The following PIK3CA variants were observed in gnomAD, a reference collection of about 807,000 sequenced individuals.
The protein encoded by PIK3CA is phosphatidylinositol 4,5-bisphosphate 3-kinase catalytic subunit alpha isoform.
Under a neutral mutation model 138.2 loss-of-function variants are expected in PIK3CA, and 27 were observed. That is an observed-to-expected ratio of 0.20 (90% CI 0.14 to 0.27). The LOEUF is 0.27. Among genes scored for constraint, PIK3CA ranks in the 10% least tolerant of loss-of-function variants. The pLI, the probability that PIK3CA is intolerant of heterozygous loss-of-function variation, is 1.00. For missense variants in PIK3CA, 544 were observed against 1,277.4 expected, an observed-to-expected ratio of 0.43 and a Z score of 8.75; for synonymous variants, 358 against 413.2, an observed-to-expected ratio of 0.87 and a Z score of 1.62.
intron 1 of PIK3CA, among the ~76,000 whole-genome samples, chr3:179,167,811 G>A (rs1333882015): frequency 1.3e-5 from 2 of 152,018 alleles, no homozygotes; most frequent in Non-Finnish European, 2.9e-5. Flanking sequence ...TCAAAATTGT[G>A]CTCTTTTGCT....
In PIK3CA at chr3:179,236,746, T is replaced by G. The variant is rs1725340248; in HGVS notation, c.*2382T>G. 1 of 220,856 alleles carries G rather than the reference T, an allele frequency of 4.5e-6. No individual in the cohort carries two copies. Among genetic ancestry groups the G allele is most frequent in the African/African-American group, 2.2e-5 (1 of 44,634 alleles). The allele number at this position is 220,856 out of a possible 1,614,324, so 13.7% of individuals were successfully genotyped here. On this transcript the variant is annotated 3_prime_UTR_variant, in exon 21 of 21. Coordinates refer to ENST00000263967, the MANE Select transcript of PIK3CA (RefSeq NM_006218.4). Reference sequence around the variant, plus strand: ...GTTACTACAACCAAATTAATTCTATTAGAAGAAATGTAGACAAATTCTATA... The same window carrying G: ...GTTACTACAACCAAATTAATTCTATGAGAAGAAATGTAGACAAATTCTATA...
intron 9 of PIK3CA, among the ~76,000 whole-genome samples, chr3:179,214,414 A>C (rs533770648): frequency 6.6e-6 from 1 of 152,262 alleles, no homozygotes; most frequent in South Asian, 2.1e-4. Context: ...GAGGAGGAAG[A>C]AAGAGGAGCA....
At chr3:179,175,191 C>G (rs1038612829) in intron 1 of PIK3CA, among the ~76,000 whole-genome samples, 3 of 152,152 alleles carry the variant, frequency 2.0e-5, no homozygotes, top group Admixed American at 6.6e-5. Context: ...AGAGAGATAA[C>G]TGGGAGGTAA....
chr3:179,173,288 G>A (rs1723606538), intron 1 of PIK3CA, among the ~76,000 whole-genome samples: 1 of 151,406 alleles, frequency 6.6e-6, no homozygotes, highest in South Asian at 2.1e-4. Context: ...GCCGGGCGCG[G>A]TAGCTCACGC....
rs557000684 is a variant in PIK3CA, at chr3:179,226,563, T to C, written c.2495+523T>C. ...ATTGTTGCTTCTAAAATGTTCTTCC[T>C]TACCTGACTTGTCTTTTTGCAAATC... is the stretch of plus-strand genomic sequence containing the variant. On this transcript the variant is annotated intron_variant, in intron 17 of 20. Transcript: ENST00000263967. 6.6e-5 allele frequency among the ~76,000 whole-genome samples: 10 copies of C among 152,254 alleles called. No individual in the cohort carries two copies. In the East Asian group the frequency reaches 1.9e-3, roughly 29 times the overall value.
chr3:179,165,249 C>T (rs1405565028), intron 1 of PIK3CA, among the ~76,000 whole-genome samples: 1 of 152,118 alleles, frequency 6.6e-6, no homozygotes, highest in Non-Finnish European at 1.5e-5. Context: ...CTGCTTAAAG[C>T]TTAGTAATTC....
intron 1 of PIK3CA, among the ~76,000 whole-genome samples, chr3:179,179,344 T>A (rs1723783006): frequency 6.6e-6 from 1 of 152,208 alleles, no homozygotes; most frequent in Non-Finnish European, 1.5e-5. Context: ...AATCCCAACC[T>A]GTTGCACTCT....
At chr3:179,222,751 T>C (rs559200523) in intron 14 of PIK3CA, among the ~76,000 whole-genome samples, 28 of 152,308 alleles carry the variant, frequency 1.8e-4, no homozygotes, top group Non-Finnish European at 3.7e-4. Context: ...CAGGAAGAGA[T>C]AAAAGTTTAA....
Position 179,230,248 on chromosome 3 carries a change from CTT to C in PIK3CA, c.2812_2813del (p.Leu938GlyfsTer10). ...GQLFHIDFGHFLDHKKKKFGY... is the reference protein window; with the variant it reads ...GQLFHIDFGHXLDHKKKKFGY... ...AGCTGTTTCATATAGATTTTGGACACTTTTTGGATCACAAGAAGAAAAAATTT... is the reference window on the plus strand; with the variant it reads ...AGCTGTTTCATATAGATTTTGGACACTTTGGATCACAAGAAGAAAAAATTT... On this transcript the variant is annotated frameshift_variant, in exon 20 of 21. Coordinates refer to ENST00000263967, the MANE Select transcript of PIK3CA (RefSeq NM_006218.4). LOFTEE classifies it high-confidence loss of function. The surrounding 1 kb of genome is among the most constrained non-coding windows in gnomAD (Gnocchi z 5.4). 2.5e-6 allele frequency: 4 copies of C among 1,607,968 alleles called. No individual in the cohort carries two copies. Among genetic ancestry groups the C allele is most frequent in the Non-Finnish European group, 3.4e-6 (4 of 1,176,974 alleles).
At chr3:179,155,918 T>C (rs945991474) in intron 1 of PIK3CA, among the ~76,000 whole-genome samples, 3 of 152,226 alleles carry the variant, frequency 2.0e-5, no homozygotes, top group Non-Finnish European at 4.4e-5. Context: ...TTTCCATTCA[T>C]CTATTAACTA....
intron 1 of PIK3CA, among the ~76,000 whole-genome samples, chr3:179,185,394 A>G (rs1723950995): frequency 6.6e-6 from 1 of 152,218 alleles, no homozygotes; most frequent in South Asian, 2.1e-4. Flanking sequence ...ACAATAATCA[A>G]CACAGAAGAC....
chr3:179,155,448 T>G (rs1369348229), intron 1 of PIK3CA, among the ~76,000 whole-genome samples: 3 of 152,176 alleles, frequency 2.0e-5, no homozygotes, highest in Non-Finnish European at 4.4e-5. Flanking sequence ...ATTCGTGGGT[T>G]TTGCCTCCAT....
chr3:179,176,856 A>G lies in PIK3CA; in HGVS notation c.-76-21894A>G, dbSNP rs181447662. 2.6e-5 allele frequency among the ~76,000 whole-genome samples: 4 copies of G among 152,330 alleles called. No individual in the cohort carries two copies. In the East Asian group the frequency reaches 7.7e-4, roughly 29 times the overall value. ...TCCCAGTAGTGGGGTTGCCTAATCT[A>G]AGAATAAGTGTATTTAAAATTTGAA... On this transcript the variant is annotated intron_variant, in intron 1 of 20. Transcript: ENST00000263967.
chr3:179,187,672 C>G (rs1724024927), intron 1 of PIK3CA, among the ~76,000 whole-genome samples: 1 of 151,228 alleles, frequency 6.6e-6, no homozygotes, highest in Non-Finnish European at 1.5e-5. Flanking sequence ...GAGTCTTGCT[C>G]TGTCGCCCAG....
chr3:179,159,963 A>C (rs150530651), intron 1 of PIK3CA, among the ~76,000 whole-genome samples: 11 of 152,310 alleles, frequency 7.2e-5, no homozygotes, highest in Non-Finnish European at 1.3e-4. Context: ...AAAAAATTTT[A>C]AAAATGGTAT....
At chr3:179,171,018 G>A (rs2108362330) in intron 1 of PIK3CA, among the ~76,000 whole-genome samples, 1 of 152,224 alleles carries the variant, frequency 6.6e-6, no homozygotes, top group Admixed American at 6.5e-5. Flanking sequence ...GGTAACATTA[G>A]CCAGGGTGAA....
Position 179,225,127 on chromosome 3 carries a change from GT to G in PIK3CA, c.2416+316del, listed in dbSNP as rs552876281. The stretch of plus-strand genomic sequence containing the variant: ...AGAAGTATTTTTTGTTGTTGTTTTG[GT>G]TTTTTTTTTAATCAGTTTCTAATTA... On this transcript the variant is annotated intron_variant, in intron 16 of 20. Transcript: ENST00000263967. Among the ~76,000 whole-genome samples the G allele has an allele frequency of 5.2e-4, 76 of 147,218 alleles. 1 individual carries two copies. In the South Asian group the frequency reaches 0.013, roughly 26 times the overall value.
intron 1 of PIK3CA, chr3:179,149,737 C>T (rs1722961342): frequency 6.6e-6 from 1 of 152,136 alleles, no homozygotes; most frequent in Admixed American, 6.5e-5. Context: ...TCCAGGTTAT[C>T]TCAGGGGATT....
intron 1 of PIK3CA, among the ~76,000 whole-genome samples, chr3:179,170,068 G>GCA (rs781316652): frequency 6.4e-4 from 31 of 48,744 alleles, no homozygotes; most frequent in African/African-American, 2.5e-3. Context: ...GCGTGCACAC[G>GCA]CGCGCGCGCA....
Sources: allele counts gnomAD v4.1 joint callset (sites outside exome capture counted in the v4.1 genomes callset), GRCh38; gene constraint gnomAD v4.1.1; non-coding constraint Gnocchi (gnomAD v3.1); transcripts MANE v1.5; gene names NCBI Gene and HGNC (gene_info 2026-07-23, HGNC 2026-07-21).